The following SIN3A variants were observed in gnomAD, a reference collection of about 807,000 sequenced individuals.
The protein encoded by SIN3A is paired amphipathic helix protein Sin3a.
In SIN3A, 14 loss-of-function variants were observed where a neutral mutation model predicts 146.1. The observed-to-expected ratio is 0.10, with a 90% CI of 0.06 to 0.15. The LOEUF is 0.15. Ranked by LOEUF, SIN3A falls within the 10% of genes least tolerant of loss-of-function variation. The probability of loss-of-function intolerance (pLI) is 1.00; values close to 1 mark genes in which losing one functional copy is unlikely to be tolerated. For missense variants in SIN3A, 1,028 were observed against 1,576.0 expected (o/e 0.65, Z 5.89); for synonymous variants, 572 against 572.0 (o/e 1.00, Z 0.00).
Position 75,411,701 on chromosome 15 carries a change from G to C in SIN3A, c.799C>G (p.Pro267Ala). The C allele has an allele frequency of 6.2e-7, 1 of 1,612,646 alleles. No individual in the cohort carries two copies. The highest frequency in any genetic ancestry group is 8.5e-7 in the Non-Finnish European group (1 of 1,178,896). The change falls in exon 6 of 21, where the codon CCC becomes GCC. Residue 267 changes from proline to alanine, a missense_variant. By Grantham distance (27) the Pro-to-Ala change is conservative. Transcript: ENST00000394947. ...GGGGATGCATACGGTGGAAGTGGGG[G>C]AGTCTGCTGACTGGCCGGAGTATGT... ...QAHTPASQQTPPLPPYASPRS... is the reference protein window; with the variant it reads ...QAHTPASQQTAPLPPYASPRS...
At chr15:75,424,612 C>A (rs1416548282) in intron 2 of SIN3A, among the ~76,000 whole-genome samples, 1 of 152,044 alleles carries the variant, frequency 6.6e-6, no homozygotes, top group Non-Finnish European at 1.5e-5. Context: ...GTAGCTGGGA[C>A]TACAGGCATG....
At chr15:75,441,550 T>C (rs1238888442) in intron 1 of SIN3A, among the ~76,000 whole-genome samples, 1 of 152,104 alleles carries the variant, frequency 6.6e-6, no homozygotes, top group Non-Finnish European at 1.5e-5. Flanking sequence ...TGCCTCAGCC[T>C]CCCGAGTAGC....
At chr15:75,403,509 A>G (rs996132211) in intron 9 of SIN3A, among the ~76,000 whole-genome samples, 5 of 151,264 alleles carry the variant, frequency 3.3e-5, no homozygotes, top group Admixed American at 2.0e-4. Context: ...TCTCCACACC[A>G]TATCAGAGTT....
chr15:75,449,648 G>T (rs889555601), intron 1 of SIN3A, among the ~76,000 whole-genome samples: 2 of 152,136 alleles, frequency 1.3e-5, no homozygotes, highest in African/African-American at 4.8e-5. Context: ...GAAATAAAAA[G>T]GGCAACAACA....
At chr15:75,451,979 TC>T (rs1325969863), upstream of SIN3A, among the ~76,000 whole-genome samples, 1 of 152,008 alleles carries the variant, frequency 6.6e-6, no homozygotes, top group Non-Finnish European at 1.5e-5. Context: ...GGGAAGCTCT[TC>T]CTGTCTCATT....
At chr15:75,451,874 C>G (rs970525487), upstream of SIN3A, 1 of 152,072 alleles carries the variant, frequency 6.6e-6, no homozygotes, top group African/African-American at 2.4e-5. Flanking sequence ...CTTCTCCACG[C>G]CCCTATTGGC....
At chr15:75,430,966 C>T (rs1418842227) in intron 1 of SIN3A, among the ~76,000 whole-genome samples, 1 of 152,044 alleles carries the variant, frequency 6.6e-6, no homozygotes, top group Admixed American at 6.6e-5. Context: ...TTAGTAGAGA[C>T]GGGGTTTCAC....
chr15:75,398,436 A>G (rs6495172), intron 12 of SIN3A, among the ~76,000 whole-genome samples: 90,424 of 151,678 alleles, frequency 0.6, 28,221 homozygotes, highest in African/African-American at 0.8. Context: ...AGCACTTTGG[A>G]AGGCCAAGAC....
intron 1 of SIN3A, chr15:75,447,557 G>A (rs183290604): frequency 1.3e-5 from 2 of 152,338 alleles, no homozygotes; most frequent in Admixed American, 1.3e-4. Context: ...AGCTAGGGCT[G>A]AGTAGCTCCC....
In SIN3A at chr15:75,392,329, G is replaced by T. The variant is rs150346677; in HGVS notation, c.2764C>A (p.Arg922=). 5.1e-5 allele frequency: 82 copies of T among 1,614,008 alleles called. No homozygotes were observed. Among genetic ancestry groups the T allele is most frequent in the Middle Eastern group, 3.3e-4 (2 of 6,084 alleles). ...QAERQIEEEN[R]EREWEREVLG... ...ACTTCCCGTTCCCATTCTCTCTCTC[G>T]GTTTTCTTCTTCAATTTGCCGTTCG... Residue 922 remains arginine, a synonymous_variant, in exon 15 of 21, where the codon CGA becomes AGA. Transcript: ENST00000394947.
chr15:75,438,464 G>A (rs921180065), intron 1 of SIN3A, among the ~76,000 whole-genome samples: 4 of 151,848 alleles, frequency 2.6e-5, no homozygotes, highest in African/African-American at 9.7e-5. Context: ...TGGGAGGATT[G>A]CTTGAGGCCA....
intron 14 of SIN3A, 27 bp downstream of exon 14, chr15:75,394,653 T>C: frequency 6.3e-7 from 1 of 1,575,504 alleles, no homozygotes; most frequent in Non-Finnish European, 8.6e-7. Context: ...TAGAGTCCTC[T>C]CACAGATGCA....
intron 19 of SIN3A, among the ~76,000 whole-genome samples, chr15:75,379,816 C>T (rs1371424604): frequency 1.3e-5 from 2 of 152,236 alleles, no homozygotes; most frequent in East Asian, 3.8e-4. Flanking sequence ...ATCAGTATCA[C>T]AATCTGCCTA....
rs527288018 is a variant in SIN3A, at chr15:75,406,543, C to T, written c.1407+512G>A. Among the ~76,000 whole-genome samples, 7 of 152,244 alleles carry T rather than the reference C, an allele frequency of 4.6e-5. No homozygotes were observed. The East Asian group carries it at 9.7e-4, about 21-fold the overall frequency. Reference sequence around the variant, plus strand: ...TCTACTAAAAATACAAAAAATTAGCCGGGCGAGGTGGTGGGCGCCTGTAGT... The same window carrying T: ...TCTACTAAAAATACAAAAAATTAGCTGGGCGAGGTGGTGGGCGCCTGTAGT... On this transcript the variant is annotated intron_variant, in intron 9 of 20. Coordinates refer to ENST00000394947, the MANE Select transcript of SIN3A (RefSeq NM_001145358.2).
rs2073662428 is a variant in SIN3A, at chr15:75,412,674, T to C, written c.756+89A>G. ...AAATCTTTGTAACTTTGTTTCTCAGTATCTAAGTCTTATATAAAGGGGAAA... is the reference window on the plus strand; with the variant it reads ...AAATCTTTGTAACTTTGTTTCTCAGCATCTAAGTCTTATATAAAGGGGAAA... On this transcript the variant is annotated intron_variant, in intron 5 of 20. Coordinates refer to ENST00000394947, the MANE Select transcript of SIN3A (RefSeq NM_001145358.2). 7 of 1,267,314 alleles carry C rather than the reference T, an allele frequency of 5.5e-6. No individual in the cohort carries two copies. The South Asian group carries it at 1.0e-4, about 19-fold the overall frequency. The allele number at this position is 1,267,314 out of a possible 1,614,324, so 78.5% of individuals were successfully genotyped here.
chr15:75,380,840 C>A, intron 18 of SIN3A, 117 bp from the exon 19 acceptor site: 1 of 698,800 alleles, frequency 1.4e-6, no homozygotes, highest in South Asian at 1.6e-5. Context: ...ATTTCAAGAT[C>A]AAAAAAGTCC....
In SIN3A at chr15:75,427,276, G is replaced by A. The variant is rs149353127; in HGVS notation, c.189+2911C>T. 3.1e-3 allele frequency among the ~76,000 whole-genome samples: 465 copies of A among 152,188 alleles called. 2 individuals carry two copies. Among genetic ancestry groups the A allele is most frequent in the African/African-American group, 0.011 (446 of 41,518 alleles). ...TAATCCCAGCGACTCAAGAGGCTGG[G>A]GCATGAGAATCACTTGAACCTGGAA... On this transcript the variant is annotated intron_variant, in intron 2 of 20. Coordinates refer to ENST00000394947, the MANE Select transcript of SIN3A (RefSeq NM_001145358.2).
chr15:75,404,685 G>T (rs772285525), intron 9 of SIN3A, among the ~76,000 whole-genome samples: 3 of 151,654 alleles, frequency 2.0e-5, no homozygotes, highest in Admixed American at 2.0e-4. Context: ...GCGTGAACCC[G>T]GGAGGTGGAG....
chr15:75,388,891 C>G (rs1210441441), intron 16 of SIN3A: 4 of 152,240 alleles, frequency 2.6e-5, no homozygotes, highest in Non-Finnish European at 5.9e-5. Context: ...AAGAAAAAAG[C>G]AGTTAACCAA....
Sources: allele counts gnomAD v4.1 joint callset (sites outside exome capture counted in the v4.1 genomes callset), GRCh38; gene constraint gnomAD v4.1.1; transcripts MANE v1.5; gene names NCBI Gene and HGNC (gene_info 2026-07-23, HGNC 2026-07-21).